Variants in IGSF11 observed in about 807,000 individuals in gnomAD.
IGSF11 encodes the protein immunoglobulin superfamily member 11.
Under a neutral mutation model 41.0 loss-of-function variants are expected in IGSF11, and 22 were observed. The ratio of observed to expected loss-of-function variants is 0.54; its 90% confidence interval spans 0.38 to 0.77. The LOEUF is 0.77. Among genes scored for constraint, IGSF11 ranks in the 30% least tolerant of loss-of-function variants. IGSF11 has a pLI of 0.00. For missense variants in IGSF11, 444 were observed against 530.8 expected (o/e 0.84, Z 1.61); for synonymous variants, 219 against 201.3 (o/e 1.09, Z -0.74).
intron 1 of IGSF11, among the ~76,000 whole-genome samples, chr3:118,985,758 T>G (rs1293592279): frequency 3.3e-5 from 5 of 152,198 alleles, no homozygotes. Flanking sequence ...CTCTGCCATT[T>G]GCTCTTTCAG....
chr3:119,138,976 GA>G (rs554702267), intron 1 of IGSF11, among the ~76,000 whole-genome samples: 4 of 151,800 alleles, frequency 2.6e-5, no homozygotes, highest in South Asian at 2.1e-4. Flanking sequence ...GGTTAGTATA[GA>G]AAAAAAATTA....
chr3:118,967,262 A>C (rs1364730398), intron 1 of IGSF11, among the ~76,000 whole-genome samples: 1 of 152,112 alleles, frequency 6.6e-6, no homozygotes, highest in Admixed American at 6.6e-5. Flanking sequence ...CAGATATAAC[A>C]GTCATAATTT....
At chr3:119,089,243 G>A (rs1005232808) in intron 1 of IGSF11, among the ~76,000 whole-genome samples, 4 of 151,870 alleles carry the variant, frequency 2.6e-5, no homozygotes, top group Non-Finnish European at 5.9e-5. Flanking sequence ...AATCAAGTAG[G>A]CTTTATTCCT....
In IGSF11 at chr3:119,084,900, A is replaced by G. The variant is rs146993193; in HGVS notation, c.49+20244T>C. Among the ~76,000 whole-genome samples, 1,205 of 152,234 alleles carry G rather than the reference A, an allele frequency of 7.9e-3. 21 individuals carry two copies. Among genetic ancestry groups the G allele is most frequent in the African/African-American group, 0.027 (1,136 of 41,544 alleles). ...AGACAGGATCTGTGCCCGGCACTTGAGCTGGGGAGGAGCCCACATTCTCAG... is the reference window on the plus strand; with the variant it reads ...AGACAGGATCTGTGCCCGGCACTTGGGCTGGGGAGGAGCCCACATTCTCAG... On this transcript the variant is annotated intron_variant, in intron 1 of 6. Transcript: ENST00000354673.
chr3:119,015,278 G>A (rs1244118951), intron 1 of IGSF11, among the ~76,000 whole-genome samples: 5 of 152,096 alleles, frequency 3.3e-5, no homozygotes, highest in Non-Finnish European at 7.4e-5. Context: ...TTAAAGTTTC[G>A]TTACTGCTCT....
rs79392388 is a variant in IGSF11, at chr3:119,034,451, T to C, written c.52+80A>G. On this transcript the variant is annotated intron_variant, in intron 1 of 6. Transcript: ENST00000393775. Reference sequence around the variant, plus strand: ...ACCCTCGGCAAAGCAAGGAGGCTCTTTGCCGTCCCCAAACAGCTTCGCCCC... The same window carrying C: ...ACCCTCGGCAAAGCAAGGAGGCTCTCTGCCGTCCCCAAACAGCTTCGCCCC... The C allele has an allele frequency of 5.8e-3, 7,679 of 1,322,022 alleles. 315 individuals carry two copies. In the African/African-American group the frequency reaches 0.096, roughly 16 times the overall value. 81.9% of individuals were successfully genotyped at this position (1,322,022 alleles called of 1,614,324 possible). A position where few individuals can be genotyped will look rare whatever the true frequency, so the allele number is the denominator to read the frequency against.
At chr3:119,057,995 T>C (rs1941913543) in intron 1 of IGSF11, among the ~76,000 whole-genome samples, 2 of 152,222 alleles carry the variant, frequency 1.3e-5, no homozygotes, top group Middle Eastern at 3.2e-3. Flanking sequence ...AAGACTTACA[T>C]GTTAGACCTA....
chr3:118,973,081 TCC>T (rs1933635769), intron 1 of IGSF11, among the ~76,000 whole-genome samples: 1 of 152,210 alleles, frequency 6.6e-6, no homozygotes, highest in East Asian at 1.9e-4. Flanking sequence ...AGTCTCTCAT[TCC>T]CACTGTTTTG....
At chr3:119,115,396 T>G (rs1333679547) in intron 1 of IGSF11, among the ~76,000 whole-genome samples, 2 of 152,230 alleles carry the variant, frequency 1.3e-5, no homozygotes, top group Non-Finnish European at 2.9e-5. Context: ...TTTCCTCACA[T>G]CCTTGGCAGC....
intron 1 of IGSF11, among the ~76,000 whole-genome samples, chr3:118,966,322 G>T (rs560211044): frequency 6.6e-6 from 1 of 152,146 alleles, no homozygotes; most frequent in Non-Finnish European, 1.5e-5. Context: ...AGCTCAGAAA[G>T]CTTATATGTT....
At chr3:119,045,338 C>A (rs191004061) in intron 1 of IGSF11, among the ~76,000 whole-genome samples, 3,314 of 152,342 alleles carry the variant, frequency 0.022, 125 homozygotes, top group African/African-American at 0.071. Context: ...TTGGGAAGCG[C>A]AAGGGGTCAG....
chr3:118,956,770 A>G (rs1944988993), intron 1 of IGSF11, among the ~76,000 whole-genome samples: 1 of 152,178 alleles, frequency 6.6e-6, no homozygotes, highest in Admixed American at 6.5e-5. Flanking sequence ...AAAGTTTGAG[A>G]TATTGTGAAA....
chr3:118,923,706 G>T (rs530885032), intron 4 of IGSF11, among the ~76,000 whole-genome samples: 38 of 152,222 alleles, frequency 2.5e-4, no homozygotes, highest in African/African-American at 8.7e-4. Context: ...CAACCTCAGG[G>T]TTAACTCCCT....
At chr3:119,099,446 G>A (rs1033452695) in intron 1 of IGSF11, among the ~76,000 whole-genome samples, 26 of 152,294 alleles carry the variant, frequency 1.7e-4, no homozygotes, top group African/African-American at 6.3e-4. Flanking sequence ...CAGAGACATG[G>A]GAGTACAGGG....
At chr3:118,983,000 C>T (rs928334560) in intron 1 of IGSF11, among the ~76,000 whole-genome samples, 2 of 152,172 alleles carry the variant, frequency 1.3e-5, no homozygotes, top group Non-Finnish European at 2.9e-5. Context: ...GGCTTTGAGT[C>T]ATAAATGACA....
intron 1 of IGSF11, among the ~76,000 whole-genome samples, chr3:118,972,153 A>T (rs1933519586): frequency 6.6e-6 from 1 of 152,292 alleles, no homozygotes; most frequent in South Asian, 2.1e-4. Context: ...CTTGACCTGA[A>T]CTTGAGATTT....
intron 1 of IGSF11, among the ~76,000 whole-genome samples, chr3:118,991,729 T>C (rs1401545852): frequency 6.6e-6 from 1 of 152,188 alleles, no homozygotes; most frequent in African/African-American, 2.4e-5. Flanking sequence ...CCTAAGAGCA[T>C]TAACTACCAT....
At chr3:119,091,402 T>G (rs2076758216) in intron 1 of IGSF11, among the ~76,000 whole-genome samples, 1 of 152,194 alleles carries the variant, frequency 6.6e-6, no homozygotes, top group Non-Finnish European at 1.5e-5. Context: ...ACATATTCAT[T>G]TGTATTGTTT....
At chr3:119,076,043 G>A (rs2076492059) in intron 1 of IGSF11, among the ~76,000 whole-genome samples, 1 of 152,240 alleles carries the variant, frequency 6.6e-6, no homozygotes, top group South Asian at 2.1e-4. Flanking sequence ...AAACAGCATG[G>A]TACTGGTACC....
Sources: allele counts gnomAD v4.1 joint callset (sites outside exome capture counted in the v4.1 genomes callset), GRCh38; gene constraint gnomAD v4.1.1; transcripts MANE v1.5; gene names NCBI Gene and HGNC (gene_info 2026-07-23, HGNC 2026-07-21).